Variants in ARL15 observed in about 807,000 individuals in gnomAD.
ARL15 encodes ARF like GTPase 15.
In ARL15, 19 loss-of-function variants were observed where a neutral mutation model predicts 25.2. The observed-to-expected ratio is 0.75, with a 90% CI of 0.53 to 1.10. The LOEUF is 1.10. Among genes scored for constraint, ARL15 ranks in the 50% least tolerant of loss-of-function variants. The pLI is 0.00. For missense variants in ARL15, 220 were observed against 246.0 expected (o/e 0.89, Z 0.71); for synonymous variants, 94 against 86.8 (o/e 1.08, Z -0.46).
intron 4 of ARL15, among the ~76,000 whole-genome samples, chr5:54,047,511 A>G (rs1447987841): frequency 2.6e-5 from 4 of 152,174 alleles, no homozygotes; most frequent in Non-Finnish European, 4.4e-5. Flanking sequence ...CAACATCTTC[A>G]TATAAAACCT....
At position 54,042,076 on chromosome 5, in the gene ARL15, T is replaced by C. The variant is rs1301328576; in HGVS notation, c.462+71126A>G. Among the ~76,000 whole-genome samples the C allele has an allele frequency of 5.3e-5, 8 of 151,740 alleles. No individual in the cohort carries two copies. In the South Asian group the frequency reaches 1.0e-3, roughly 20 times the overall value. The stretch of plus-strand genomic sequence containing the variant: ...ACCTCTGCCTCCTGGGTTCAAGCGA[T>C]TCTTCTGTCTCAGCCTCCCAAGTAC... On this transcript the variant is annotated intron_variant, in intron 4 of 4. Coordinates refer to ENST00000504924, the MANE Select transcript of ARL15 (RefSeq NM_019087.3).
chr5:54,107,344 T>G (rs1752621507), intron 4 of ARL15, among the ~76,000 whole-genome samples: 1 of 152,108 alleles, frequency 6.6e-6, no homozygotes, highest in Non-Finnish European at 1.5e-5. Context: ...GAATTAGGAA[T>G]AGTGAGTGGT....
chr5:54,163,373 T>C, intron 2 of ARL15, among the ~76,000 whole-genome samples: 1 of 90,266 alleles, frequency 1.1e-5, no homozygotes, highest in East Asian at 2.8e-4. Context: ...TTTTTTTTTT[T>C]TTTTTTTTTT....
At chr5:54,009,425 A>C (rs1398968579) in intron 4 of ARL15, among the ~76,000 whole-genome samples, 1 of 152,210 alleles carries the variant, frequency 6.6e-6, no homozygotes, top group East Asian at 1.9e-4. Context: ...ATATTATTCC[A>C]GCATCACTGA....
At chr5:54,231,695 T>C (rs945201395) in intron 1 of ARL15, among the ~76,000 whole-genome samples, 4 of 152,218 alleles carry the variant, frequency 2.6e-5, no homozygotes, top group Admixed American at 6.5e-5. Flanking sequence ...GGGTTCAGTT[T>C]CTGATGAGGG....
At chr5:54,056,310 G>A (rs946525959) in intron 4 of ARL15, among the ~76,000 whole-genome samples, 1 of 152,056 alleles carries the variant, frequency 6.6e-6, no homozygotes, top group African/African-American at 2.4e-5. Flanking sequence ...CTAACAGAAG[G>A]GTCGGGGAAG....
At chr5:54,048,214 T>C (rs1217983121) in intron 4 of ARL15, 1 of 152,062 alleles carries the variant, frequency 6.6e-6, no homozygotes, top group East Asian at 1.9e-4. Context: ...CCAATGTGCA[T>C]GATGCACTAC....
intron 1 of ARL15, among the ~76,000 whole-genome samples, chr5:54,202,266 G>A (rs1192093744): frequency 6.6e-6 from 1 of 152,178 alleles, no homozygotes; most frequent in Non-Finnish European, 1.5e-5. Flanking sequence ...CCTGGAACCT[G>A]TGACTGTTAC....
intron 4 of ARL15, among the ~76,000 whole-genome samples, chr5:53,959,005 G>C (rs576741793): frequency 1.3e-5 from 2 of 152,196 alleles, no homozygotes; most frequent in South Asian, 4.1e-4. Context: ...AGAATATCTA[G>C]ATGAAAAATC....
chr5:54,219,510 A>G (rs1202040068), intron 1 of ARL15, among the ~76,000 whole-genome samples: 1 of 152,152 alleles, frequency 6.6e-6, no homozygotes, highest in Non-Finnish European at 1.5e-5. Context: ...AATCAAGACA[A>G]TCACTGCAAA....
chr5:53,970,486 AAGAG>A (rs3839225), intron 4 of ARL15, among the ~76,000 whole-genome samples: 14,268 of 151,408 alleles, frequency 0.094, 709 homozygotes, highest in Non-Finnish European at 0.11. Flanking sequence ...ATGAGTGAGA[AAGAG>A]AGAGAGAGAG....
At chr5:54,122,729 T>C (rs751964732) in intron 3 of ARL15, among the ~76,000 whole-genome samples, 1 of 152,352 alleles carries the variant, frequency 6.6e-6, no homozygotes, top group East Asian at 1.9e-4. Context: ...GAATTGTGAA[T>C]ACAAGAAAAG....
intron 4 of ARL15, among the ~76,000 whole-genome samples, chr5:54,045,095 G>A (rs556397321): frequency 6.6e-6 from 1 of 152,126 alleles, no homozygotes; most frequent in Non-Finnish European, 1.5e-5. Context: ...TAACTGCTGA[G>A]AAACAGTCGA....
intron 4 of ARL15, among the ~76,000 whole-genome samples, chr5:53,908,103 G>C (rs1446768381): frequency 1.3e-5 from 2 of 152,090 alleles, no homozygotes; most frequent in South Asian, 2.1e-4. Context: ...CATATAAAAA[G>C]ATATTTTGAA....
intron 4 of ARL15, among the ~76,000 whole-genome samples, chr5:53,896,788 C>T (rs560722097): frequency 7.9e-5 from 12 of 152,202 alleles, no homozygotes; most frequent in Admixed American, 1.3e-4. Flanking sequence ...TGAGCCACCG[C>T]GCCCAGCCCA....
chr5:54,277,453 G>A (rs893282271), intron 1 of ARL15, among the ~76,000 whole-genome samples: 9 of 152,222 alleles, frequency 5.9e-5, no homozygotes, highest in East Asian at 5.8e-4. Context: ...AGTAAAACGC[G>A]TTCAATAATT....
chr5:54,167,566 T>C (rs149559511), intron 2 of ARL15, among the ~76,000 whole-genome samples: 1 of 152,308 alleles, frequency 6.6e-6, no homozygotes, highest in East Asian at 1.9e-4. Context: ...GAGAGTAAAC[T>C]AGTTCCAGTT....
At chr5:54,184,622 A>T in intron 1 of ARL15, among the ~76,000 whole-genome samples, 1 of 151,294 alleles carries the variant, frequency 6.6e-6, no homozygotes, top group Non-Finnish European at 1.5e-5. Context: ...TAACAAAAAA[A>T]AAAAAAAAAA....
chr5:53,887,208 C>T (rs271247), intron 4 of ARL15, among the ~76,000 whole-genome samples: 71,856 of 151,958 alleles, frequency 0.47, 17,804 homozygotes, highest in Non-Finnish European at 0.56. Flanking sequence ...AAATAATCTT[C>T]TTCTCTTTCT....
Sources: gnomAD v4.1 joint callset for allele counts (sites outside exome capture counted in the v4.1 genomes callset) on GRCh38, gnomAD v4.1.1 for gene constraint, MANE v1.5 for transcripts, NCBI Gene and HGNC (gene_info 2026-07-23, HGNC 2026-07-21) for gene names.